The following LIPC variants were observed in gnomAD, a reference collection of about 807,000 sequenced individuals.
LIPC encodes lipase C, hepatic type, also known as hepatic triacylglycerol lipase.
A neutral mutation model predicts 50.7 loss-of-function variants in LIPC; 44 were observed. The observed-to-expected ratio is 0.87, with a 90% CI of 0.68 to 1.11. The LOEUF is 1.11. LIPC is among the 50% of genes most tolerant of loss of function. LIPC has a pLI of 0.00. For missense variants in LIPC, 697 were observed against 648.2 expected (o/e 1.08, Z -0.82); for synonymous variants, 271 against 256.4 (o/e 1.06, Z -0.54).
chr15:58,564,961 T>G (rs1436919596), intron 8 of LIPC, among the ~76,000 whole-genome samples: 5 of 152,146 alleles, frequency 3.3e-5, no homozygotes, highest in Non-Finnish European at 5.9e-5. Flanking sequence ...GCGAAGGCCA[T>G]GTTTCTCTTT....
chr15:58,474,061 A>G (rs1433444014), intron 1 of LIPC: 1 of 152,264 alleles, frequency 6.6e-6, no homozygotes, highest in African/African-American at 2.4e-5. Context: ...AGAAAGTAAC[A>G]TCTAAGTTAC....
intron 1 of LIPC, chr15:58,436,841 A>G: frequency 2.2e-6 from 1 of 456,322 alleles, no homozygotes; most frequent in East Asian, 6.9e-5. Context: ...CTTTCCTTGT[A>G]CAATAGCAGA....
chr15:58,507,329 A>G (rs1892184451), intron 1 of LIPC, among the ~76,000 whole-genome samples: 1 of 151,998 alleles, frequency 6.6e-6, no homozygotes, highest in African/African-American at 2.4e-5. Context: ...AAATGGAGGG[A>G]GAGGAGGAGG....
At chr15:58,457,205 G>A (rs1487819703) in intron 1 of LIPC, among the ~76,000 whole-genome samples, 1 of 152,222 alleles carries the variant, frequency 6.6e-6, no homozygotes, top group African/African-American at 2.4e-5. Flanking sequence ...CACCTCCCGG[G>A]TTCAAGCATT....
At chr15:58,516,115 CT>C (rs1467304866) in intron 1 of LIPC, among the ~76,000 whole-genome samples, 1 of 152,076 alleles carries the variant, frequency 6.6e-6, no homozygotes, top group African/African-American at 2.4e-5. Flanking sequence ...TTCTGCGCAT[CT>C]TTGCTTGAAC....
intron 1 of LIPC, among the ~76,000 whole-genome samples, chr15:58,536,640 T>C (rs1474729165): frequency 3.3e-5 from 5 of 152,112 alleles, no homozygotes; most frequent in Non-Finnish European, 5.9e-5. Context: ...GCAGGCTAGG[T>C]TGGAAGCAGG....
Position 58,497,923 on chromosome 15 carries a change from T to C in LIPC, c.89-40410T>C, listed in dbSNP as rs560916505. 4 of 152,314 alleles carry C rather than the reference T, an allele frequency of 2.6e-5. No individual in the cohort carries two copies. The East Asian group carries it at 7.7e-4, about 29-fold the overall frequency. The allele number at this position is 152,314 out of a possible 1,614,324, so 9.4% of individuals were successfully genotyped here. On this transcript the variant is annotated intron_variant, in intron 1 of 8. Transcript: ENST00000299022. ...CCTCCTCTCCCCCAACACACAATTA[T>C]GTATTCATGATGTATTTTTTTTCTT...
At chr15:58,527,911 G>A (rs1433594941) in intron 1 of LIPC, among the ~76,000 whole-genome samples, 1 of 152,058 alleles carries the variant, frequency 6.6e-6, no homozygotes, top group Non-Finnish European at 1.5e-5. Context: ...GAGGTTCAAG[G>A]ACTAGATCAG....
At chr15:58,498,670 C>T (rs1891862736) in intron 1 of LIPC, 1 of 152,152 alleles carries the variant, frequency 6.6e-6, no homozygotes, top group African/African-American at 2.4e-5. Flanking sequence ...TGCTTACTCC[C>T]CAGCAGCTGA....
At chr15:58,499,195 T>C (rs968150901) in intron 1 of LIPC, among the ~76,000 whole-genome samples, 1 of 152,216 alleles carries the variant, frequency 6.6e-6, no homozygotes, top group Non-Finnish European at 1.5e-5. Context: ...GGCAGCTCTA[T>C]AAATTCCTTC....
intron 1 of LIPC, among the ~76,000 whole-genome samples, chr15:58,469,147 C>A (rs1421198051): frequency 1.0e-5 from 1 of 98,810 alleles, no homozygotes; most frequent in Non-Finnish European, 2.1e-5. Flanking sequence ...TGTGTGTACG[C>A]CTTAAGAGAC....
chr15:58,442,087 C>T (rs1312925534), intron 1 of LIPC, among the ~76,000 whole-genome samples: 1 of 152,192 alleles, frequency 6.6e-6, no homozygotes, highest in Non-Finnish European at 1.5e-5. Context: ...TACCTATGCC[C>T]TAGCTGCACA....
At chr15:58,531,007 T>C (rs1892944474) in intron 1 of LIPC, among the ~76,000 whole-genome samples, 1 of 152,250 alleles carries the variant, frequency 6.6e-6, no homozygotes, top group African/African-American at 2.4e-5. Flanking sequence ...TCCATTTCTC[T>C]TGAGTAAACG....
intron 1 of LIPC, among the ~76,000 whole-genome samples, chr15:58,505,326 C>T (rs1892112132): frequency 6.6e-6 from 1 of 152,202 alleles, no homozygotes; most frequent in African/African-American, 2.4e-5. Context: ...GGATAATCCC[C>T]GTGTCTCAGT....
intron 1 of LIPC, among the ~76,000 whole-genome samples, chr15:58,461,511 C>T (rs183150904): frequency 2.6e-5 from 4 of 152,098 alleles, no homozygotes; most frequent in African/African-American, 7.2e-5. Context: ...CTGGTTCAAG[C>T]GATTCTCCTG....
rs1566926434 is a variant in LIPC at position 58,489,226 on chromosome 15, G to GGGC, written c.89-49105_89-49104insCGG. ...GGGATTCATTTTGTTGCGGGGGCGG[G>GGGC]GGGGCGGCTTACAAGCTTCCCAGGG... On this transcript the variant is annotated intron_variant, in intron 1 of 8. Transcript: ENST00000299022. 5.7e-5 allele frequency among the ~76,000 whole-genome samples: 6 copies of GGGC among 105,432 alleles called. 2 individuals carry two copies. Among genetic ancestry groups the GGGC allele is most frequent in the African/African-American group, 2.3e-4 (6 of 26,018 alleles). 69.2% of individuals were successfully genotyped at this position (105,432 alleles called of 152,430 possible). A position where few individuals can be genotyped will look rare whatever the true frequency, so the allele number is the denominator to read the frequency against.
At chr15:58,503,559 C>T (rs1291077930) in intron 1 of LIPC, among the ~76,000 whole-genome samples, 10 of 152,206 alleles carry the variant, frequency 6.6e-5, no homozygotes. Flanking sequence ...TGGACACATT[C>T]AAACAGGCAG....
At chr15:58,503,048 A>G (rs1303615873) in intron 1 of LIPC, among the ~76,000 whole-genome samples, 2 of 151,918 alleles carry the variant, frequency 1.3e-5, no homozygotes, top group East Asian at 3.9e-4. Context: ...TATAATATGT[A>G]TAGGTGCTTT....
chr15:58,501,535 G>A (rs930220038), intron 1 of LIPC, among the ~76,000 whole-genome samples: 1 of 152,010 alleles, frequency 6.6e-6, no homozygotes, highest in Admixed American at 6.6e-5. Flanking sequence ...TGATGGGGTG[G>A]GGAGGGAGAA....
Sources: gnomAD v4.1 joint callset for allele counts (sites outside exome capture counted in the v4.1 genomes callset) on GRCh38, gnomAD v4.1.1 for gene constraint, MANE v1.5 for transcripts, NCBI Gene and HGNC (gene_info 2026-07-23, HGNC 2026-07-21) for gene names.